Variants in CUX1 observed in about 807,000 individuals in gnomAD.
CUX1 encodes cut like homeobox 1.
A neutral mutation model predicts 158.8 loss-of-function variants in CUX1; 31 were observed. The observed-to-expected ratio is 0.20, with a 90% confidence interval of 0.15 to 0.26. The LOEUF (loss-of-function observed/expected upper bound fraction) is 0.26. Among genes scored for constraint, CUX1 ranks in the 10% least tolerant of loss-of-function variants. The probability of loss-of-function intolerance (pLI) is 1.00; values close to 1 mark genes in which losing one functional copy is unlikely to be tolerated. For missense variants in CUX1, 1,589 were observed against 2,014.6 expected (o/e 0.79, Z 4.04); for synonymous variants, 879 against 862.1 (o/e 1.02, Z -0.34).
At chr7:101,908,630 C>T (rs1803037617) in intron 1 of CUX1, among the ~76,000 whole-genome samples, 2 of 152,130 alleles carry the variant, frequency 1.3e-5, no homozygotes, top group Admixed American at 1.3e-4. Context: ...CTTTTCTAAG[C>T]CCCCCACCTC....
Position 102,195,615 on chromosome 7 carries a change from G to T in CUX1, c.1222+12G>T. The T allele has an allele frequency of 6.3e-7, 1 of 1,595,084 alleles. No individual in the cohort carries two copies. ...CAGCGACCTGAGCGGTAGGTTGGCC[G>T]GGCTTCGCGCGTGTGCGGTGGTTGG... On this transcript the variant is annotated intron_variant, in intron 14 of 23. Coordinates refer to ENST00000292535, the MANE Select transcript of CUX1 (RefSeq NM_181552.4).
chr7:102,038,561 T>C (rs926272649), intron 3 of CUX1, among the ~76,000 whole-genome samples: 1 of 152,228 alleles, frequency 6.6e-6, no homozygotes, highest in African/African-American at 2.4e-5. Flanking sequence ...GTTAGGAGCA[T>C]AAGTTGATTT....
At chr7:102,195,689 G>C in intron 14 of CUX1, 86 bp downstream of exon 14, 1 of 1,238,770 alleles carries the variant, frequency 8.1e-7, no homozygotes, top group Non-Finnish European at 1.1e-6. Flanking sequence ...TCGTGAGTCT[G>C]GACAGATGCA....
chr7:102,257,514 G>T lies in CUX1; in HGVS notation c.*8472G>T. ...AGCTTGTTATAAAATAAAAGTGGGG[G>T]TAAAAAGAAGGTGGTTTTCCCCACA... is the stretch of plus-strand genomic sequence containing the variant. On this transcript the variant is annotated 3_prime_UTR_variant, in exon 24 of 24. Coordinates refer to ENST00000292535, the MANE Select transcript of CUX1 (RefSeq NM_181552.4). The T allele has an allele frequency of 1.0e-6, 1 of 985,340 alleles. No individual in the cohort carries two copies. The highest frequency in any genetic ancestry group is 1.2e-6 in the Non-Finnish European group (1 of 829,906). The allele number at this position is 985,340 out of a possible 1,614,324, so 61.0% of individuals were successfully genotyped here.
chr7:102,117,314 C>T (rs1233007064), intron 8 of CUX1, among the ~76,000 whole-genome samples: 15 of 142,698 alleles, frequency 1.1e-4, no homozygotes, highest in African/African-American at 3.4e-4. Flanking sequence ...AGGAGAATCG[C>T]TTGAACTCTG....
chr7:102,198,561 C>T (rs1795045271), intron 15 of CUX1, among the ~76,000 whole-genome samples: 1 of 152,232 alleles, frequency 6.6e-6, no homozygotes, highest in South Asian at 2.1e-4. Flanking sequence ...TCCCTGGCCT[C>T]AATGCCGTAG....
chr7:102,216,671 A>T (rs548383398), intron 20 of CUX1, among the ~76,000 whole-genome samples: 5 of 46,370 alleles, frequency 1.1e-4, no homozygotes, highest in Non-Finnish European at 1.8e-4. Flanking sequence ...ACACACACTC[A>T]CACACACACA....
intron 2 of CUX1, among the ~76,000 whole-genome samples, chr7:101,989,750 C>G (rs1814856586): frequency 6.6e-6 from 1 of 152,190 alleles, no homozygotes; most frequent in Admixed American, 6.5e-5. Flanking sequence ...ATTTCCTGCT[C>G]CTACCCCCGT....
intron 1 of CUX1, among the ~76,000 whole-genome samples, chr7:101,857,311 A>T (rs1796958106): frequency 6.6e-6 from 1 of 152,388 alleles, no homozygotes; most frequent in Non-Finnish European, 1.5e-5. Context: ...ATATCTGCAG[A>T]AATAAAAAGA....
At chr7:102,273,238 T>A in intron 14 of CUX1, 1 of 1,291,378 alleles carries the variant, frequency 7.7e-7, no homozygotes. Flanking sequence ...TGGGAGGGAA[T>A]AGCCAGCACT....
At position 102,022,446 on chromosome 7, in the gene CUX1, C is replaced by T. The variant is rs1361245804; in HGVS notation, c.142-5652C>T. Among the ~76,000 whole-genome samples the T allele has an allele frequency of 4.6e-5, 7 of 151,838 alleles. No individual in the cohort carries two copies. In the East Asian group the frequency reaches 9.7e-4, roughly 21 times the overall value. On this transcript the variant is annotated intron_variant, in intron 2 of 23. Coordinates refer to ENST00000292535, the MANE Select transcript of CUX1 (RefSeq NM_181552.4). ...CAGCCTGGGCAACATGGCGAAACCCCGTCTCTACAAAAAATGCAAAAATTT... is the reference window on the plus strand; with the variant it reads ...CAGCCTGGGCAACATGGCGAAACCCTGTCTCTACAAAAAATGCAAAAATTT...
At chr7:101,859,934 C>T (rs557266562) in intron 1 of CUX1, among the ~76,000 whole-genome samples, 165 of 142,762 alleles carry the variant, frequency 1.2e-3, no homozygotes, top group Non-Finnish European at 1.8e-3. Flanking sequence ...TCTTTCTTTG[C>T]TCCTTCCTTC....
chr7:102,159,604 T>C (rs1466658911), intron 9 of CUX1, among the ~76,000 whole-genome samples: 2 of 152,236 alleles, frequency 1.3e-5, no homozygotes, highest in Non-Finnish European at 2.9e-5. Flanking sequence ...CTCACGCCTG[T>C]AATCCCAGCA....
At chr7:101,817,315 T>C, upstream of CUX1, 1 of 984,416 alleles carries the variant, frequency 1.0e-6, no homozygotes, top group South Asian at 4.7e-5. The surrounding 1 kb of genome is among the most constrained non-coding windows in gnomAD (Gnocchi z 4.1). Flanking sequence ...CCCTCGGGGC[T>C]TCTGCCCTCT....
chr7:102,198,921 G>A, intron 16 of CUX1, 54 bp downstream of exon 16: 2 of 1,487,118 alleles, frequency 1.3e-6, no homozygotes, highest in South Asian at 1.1e-5. Context: ...GAAGCAGCAT[G>A]TCCTTAGCTG....
At position 102,239,394 on chromosome 7, in the gene CUX1, A is replaced by T; in HGVS notation, c.3697A>T (p.Ser1233Cys). Residue 1233 changes from serine (S) to cysteine (C), a missense_variant, in exon 23 of 24, where the codon AGC (serine) becomes TGC (cysteine). By Grantham distance (112) the Ser-to-Cys change is moderately radical (BLOSUM62 -1). This residue lies in a region of CUX1 where 259 missense variants were observed against 373.8 expected (regional missense o/e 0.69). Transcript: ENST00000292535. ...CEPPSVGTEY[S>C]QGASPQPQHQ... ...ACCGCCCTCTGTCGGCACCGAGTAC[A>T]GCCAGGGCGCCAGCCCCCAGCCCCA... is the stretch of plus-strand genomic sequence containing the variant. The T allele has an allele frequency of 6.2e-7, 1 of 1,613,524 alleles. No homozygotes were observed. The highest frequency in any genetic ancestry group is 8.5e-7 in the Non-Finnish European group (1 of 1,179,920).
intron 2 of CUX1, among the ~76,000 whole-genome samples, chr7:101,924,454 A>C (rs1226048928): frequency 6.6e-6 from 1 of 152,108 alleles, no homozygotes; most frequent in Non-Finnish European, 1.5e-5. Context: ...CACACCCCCC[A>C]GGACCCTGGG....
Position 102,195,527 on chromosome 7 carries a change from G to A in CUX1, c.1146G>A (p.Glu382=), listed in dbSNP as rs1234160098. The change falls in exon 14 of 24, where the codon GAG becomes GAA. Residue 382 remains glutamate (E), a synonymous_variant. Coordinates refer to ENST00000292535, the MANE Select transcript of CUX1 (RefSeq NM_181552.4). The part of the protein sequence containing the change: ...AGTQDAAKPL[E]VLLLEKNRSL... ...TCTAGGATGCGGCCAAGCCCCTGGA[G>A]GTGCTGTTGCTGGAGAAGAACCGCT... The A allele has an allele frequency of 1.9e-6, 3 of 1,612,650 alleles. No homozygotes were observed. Among genetic ancestry groups the A allele is most frequent in the Middle Eastern group, 3.3e-4 (2 of 6,068 alleles).
intron 2 of CUX1, among the ~76,000 whole-genome samples, chr7:101,997,235 C>T (rs117085017): frequency 0.024 from 3,715 of 151,710 alleles, 76 homozygotes; most frequent in Middle Eastern, 0.061. Context: ...GTGTGGGCCT[C>T]CCTGGGGTGC....
Sources: gnomAD v4.1 joint callset for allele counts (sites outside exome capture counted in the v4.1 genomes callset) on GRCh38, gnomAD v4.1.1 for gene constraint, gnomAD v4.1.1 regional missense constraint, Gnocchi (gnomAD v3.1) non-coding constraint, MANE v1.5 for transcripts, NCBI Gene and HGNC (gene_info 2026-07-23, HGNC 2026-07-21) for gene names.